IL1RAPL1: variants seen among roughly 807,000 people sequenced by gnomAD.
The protein encoded by IL1RAPL1 is interleukin-1 receptor accessory protein-like 1.
In IL1RAPL1, 3 loss-of-function variants were observed where a neutral mutation model predicts 48.4. The observed-to-expected ratio is 0.06, with a 90% CI of 0.03 to 0.16. IL1RAPL1 has a LOEUF of 0.16. IL1RAPL1 is among the 10% of genes least tolerant of loss of function. IL1RAPL1 has a pLI of 1.00. For missense variants in IL1RAPL1, 349 were observed against 530.6 expected (o/e 0.66, Z 3.36); for synonymous variants, 185 against 187.7 (o/e 0.99, Z 0.12).
At chrX:29,301,156 G>T (rs1199888870) in intron 3 of IL1RAPL1, among the ~76,000 whole-genome samples, 1 of 111,603 alleles carries the variant, frequency 9.0e-6, no homozygotes, top group East Asian at 2.8e-4. Context: ...GGCTCTCCTG[G>T]TCTGAGGAGG....
rs764098398 is a variant in IL1RAPL1, at chrX:29,839,596, C to T, written c.779-77868C>T. On this transcript the variant is annotated intron_variant, in intron 6 of 10. Coordinates refer to ENST00000378993, the MANE Select transcript of IL1RAPL1 (RefSeq NM_014271.4). The stretch of plus-strand genomic sequence containing the variant: ...GCATGTATGTTTGCATAATATACTT[C>T]CATAAAAGCTGAAACTTGGCTGGGC... Among the ~76,000 whole-genome samples, 9 of 111,957 alleles carry T rather than the reference C, an allele frequency of 8.0e-5. No homozygotes were observed. The South Asian group carries it at 3.0e-3, about 37-fold the overall frequency.
At chrX:29,328,633 A>G (rs1230769532) in intron 3 of IL1RAPL1, among the ~76,000 whole-genome samples, 2 of 100,377 alleles carry the variant, frequency 2.0e-5, no homozygotes, top group Admixed American at 1.1e-4. Context: ...TTATATATGT[A>G]TATATATATA....
At chrX:28,751,793 C>T (rs1378369830) in intron 1 of IL1RAPL1, among the ~76,000 whole-genome samples, 1 of 111,716 alleles carries the variant, frequency 9.0e-6, no homozygotes, top group Non-Finnish European at 1.9e-5. Context: ...TGAAATTCAT[C>T]TGTGCAGGCC....
At position 29,387,474 on chromosome X, in the gene IL1RAPL1, A is replaced by T. The variant is rs1215545902; in HGVS notation, c.363-8784A>T. 3.6e-5 allele frequency among the ~76,000 whole-genome samples: 4 copies of T among 112,003 alleles called. No individual in the cohort carries two copies. In the East Asian group the frequency reaches 1.1e-3, roughly 31 times the overall value. ...CTTGGAGAACAAAAAGTGATGTGCA[A>T]CTTACCCAAATGTGACTCACACATT... On this transcript the variant is annotated intron_variant, in intron 3 of 10. Transcript: ENST00000378993.
chrX:28,754,346 C>A (rs1194477619), intron 1 of IL1RAPL1, among the ~76,000 whole-genome samples: 2 of 112,151 alleles, frequency 1.8e-5, no homozygotes, highest in Admixed American at 1.9e-4. Context: ...GAGTACATTT[C>A]TTATGCCATT....
chrX:29,099,790 C>CT (rs1175464177), intron 2 of IL1RAPL1, among the ~76,000 whole-genome samples: 2 of 111,931 alleles, frequency 1.8e-5, no homozygotes, highest in Non-Finnish European at 3.8e-5. Context: ...TCATTTTAGT[C>CT]TTTTTATGTT....
chrX:29,473,380 G>A, intron 5 of IL1RAPL1, among the ~76,000 whole-genome samples: 1 of 110,877 alleles, frequency 9.0e-6, no homozygotes, highest in East Asian at 2.8e-4. Flanking sequence ...ATAAATTTGA[G>A]AGGGATGGGA....
At chrX:28,767,898 G>A (rs1243289082) in intron 1 of IL1RAPL1, among the ~76,000 whole-genome samples, 2 of 111,379 alleles carry the variant, frequency 1.8e-5, no homozygotes, top group East Asian at 2.8e-4. Flanking sequence ...TGGAAGTCTG[G>A]GGATTTAAAT....
intron 2 of IL1RAPL1, among the ~76,000 whole-genome samples, chrX:28,946,616 A>G (rs926727947): frequency 9.0e-6 from 1 of 111,200 alleles, no homozygotes; most frequent in Non-Finnish European, 1.9e-5. Flanking sequence ...GAAACACTAG[A>G]TGTCTAATAG....
rs187929766 is a variant in IL1RAPL1, at chrX:28,918,622, T to C, written c.82+129197T>C. ...TGGGAAGGCAAAGTACAGGATGTCA[T>C]GCAAGTGAAAACAGAAGTGATTAAT... On this transcript the variant is annotated intron_variant, in intron 2 of 10. Coordinates refer to ENST00000378993, the MANE Select transcript of IL1RAPL1 (RefSeq NM_014271.4). 4.0e-3 allele frequency among the ~76,000 whole-genome samples: 453 copies of C among 112,366 alleles called. 2 individuals are homozygous for C. Among genetic ancestry groups the C allele is most frequent in the African/African-American group, 0.014 (423 of 30,999 alleles).
intron 5 of IL1RAPL1, among the ~76,000 whole-genome samples, chrX:29,581,012 A>G (rs1922944867): frequency 8.9e-6 from 1 of 111,947 alleles, no homozygotes; most frequent in Non-Finnish European, 1.9e-5. Flanking sequence ...GTAGTCTAAA[A>G]TAGGTTAAAT....
intron 6 of IL1RAPL1, among the ~76,000 whole-genome samples, chrX:29,688,717 A>G (rs1926692883): frequency 1.0e-5 from 1 of 97,034 alleles, no homozygotes; most frequent in African/African-American, 4.0e-5. Flanking sequence ...TTCAATAATT[A>G]TCAGGGTTGC....
chrX:29,370,035 A>T (rs1285048733), intron 3 of IL1RAPL1, among the ~76,000 whole-genome samples: 1 of 112,156 alleles, frequency 8.9e-6, no homozygotes, highest in East Asian at 2.8e-4. Flanking sequence ...TAAGTATAAA[A>T]TTTATTTAAA....
intron 6 of IL1RAPL1, among the ~76,000 whole-genome samples, chrX:29,734,112 A>T (rs1453203859): frequency 1.8e-5 from 2 of 112,874 alleles, no homozygotes; most frequent in Non-Finnish European, 3.7e-5. Flanking sequence ...TTAAACTAAA[A>T]ATATAATCAT....
chrX:28,870,163 G>C (rs1381207844), intron 2 of IL1RAPL1, among the ~76,000 whole-genome samples: 1 of 110,620 alleles, frequency 9.0e-6, no homozygotes, highest in Non-Finnish European at 1.9e-5. Context: ...TCCATCTTTT[G>C]GTTATTATGA....
intron 2 of IL1RAPL1, among the ~76,000 whole-genome samples, chrX:28,890,386 A>T (rs184491267): frequency 1.2e-3 from 130 of 111,419 alleles, no homozygotes; most frequent in Admixed American, 0.011. Context: ...AGACATGAGG[A>T]GTTTTTAATA....
At chrX:29,511,954 A>G (rs1452254410) in intron 5 of IL1RAPL1, among the ~76,000 whole-genome samples, 1 of 111,076 alleles carries the variant, frequency 9.0e-6, no homozygotes, top group Non-Finnish European at 1.9e-5. Flanking sequence ...GATGAGATTC[A>G]TGATAGGAAT....
intron 2 of IL1RAPL1, among the ~76,000 whole-genome samples, chrX:28,802,581 A>G (rs1345197280): frequency 2.7e-5 from 3 of 112,581 alleles, no homozygotes; most frequent in Admixed American, 9.4e-5. Context: ...TGCCATTGGC[A>G]TCTTACTTTA....
intron 1 of IL1RAPL1, among the ~76,000 whole-genome samples, chrX:28,772,105 C>G (rs1243961164): frequency 9.0e-6 from 1 of 110,915 alleles, no homozygotes; most frequent in African/African-American, 3.3e-5. Context: ...CCCTTTCTCT[C>G]GAAACATTTC....
Sources: gnomAD v4.1 joint callset for allele counts (sites outside exome capture counted in the v4.1 genomes callset) on GRCh38, gnomAD v4.1.1 for gene constraint, MANE v1.5 for transcripts, NCBI Gene and HGNC (gene_info 2026-07-23, HGNC 2026-07-21) for gene names.